The following FBXL2 variants were observed in gnomAD, a reference collection of about 807,000 sequenced individuals.
The protein encoded by FBXL2 is F-box and leucine rich repeat protein 2.
Under a neutral mutation model 69.2 loss-of-function variants are expected in FBXL2, and 38 were observed. That is an observed-to-expected ratio of 0.55 (90% confidence interval 0.42 to 0.72). FBXL2 has a LOEUF of 0.72. Among genes scored for constraint, FBXL2 ranks in the 30% least tolerant of loss-of-function variants. The probability of loss-of-function intolerance (pLI) is 0.00; values close to 1 mark genes in which losing one functional copy is unlikely to be tolerated. For missense variants in FBXL2, 354 were observed against 520.3 expected, an observed-to-expected ratio of 0.68 and a Z score of 3.11; for synonymous variants, 192 against 201.3, an observed-to-expected ratio of 0.95 and a Z score of 0.39.
chr3:33,377,272 G>C lies in FBXL2; in HGVS notation c.789-1G>C, dbSNP rs774921014. 1.2e-6 allele frequency: 2 copies of C among 1,614,098 alleles called. No individual in the cohort carries two copies. The highest frequency in any genetic ancestry group is 4.5e-5 in the East Asian group (2 of 44,876). ...CTCCCCTGTACCCACTTTCTCCTCAGAATTTTGGAGGCTGCCCGATGCTCC... is the reference window on the plus strand; with the variant it reads ...CTCCCCTGTACCCACTTTCTCCTCACAATTTTGGAGGCTGCCCGATGCTCC... On this transcript the variant is annotated splice_acceptor_variant, in intron 10 of 14. Coordinates refer to ENST00000484457, the MANE Select transcript of FBXL2 (RefSeq NM_012157.5). LOFTEE classifies it high-confidence loss of function.
intron 11 of FBXL2, 25 bp from the exon 12 acceptor site, chr3:33,378,078 G>T: frequency 6.2e-7 from 1 of 1,613,352 alleles, no homozygotes; most frequent in Non-Finnish European, 8.5e-7. Context: ...CTCACATGTG[G>T]GGTGTGTCTT....
chr3:33,361,066 G>A (rs2041590132), intron 4 of FBXL2, among the ~76,000 whole-genome samples: 1 of 149,556 alleles, frequency 6.7e-6, no homozygotes, highest in Admixed American at 6.7e-5. Flanking sequence ...CATGTAGCTG[G>A]GACTACAGGC....
At chr3:33,318,679 A>C (rs1397589002) in intron 2 of FBXL2, among the ~76,000 whole-genome samples, 1 of 152,150 alleles carries the variant, frequency 6.6e-6, no homozygotes, top group Non-Finnish European at 1.5e-5. Context: ...TTTCTAAATT[A>C]GTGTAGTTAG....
chr3:33,388,520 C>T (rs1311212270), downstream of FBXL2: 2 of 152,568 alleles, frequency 1.3e-5, no homozygotes, highest in African/African-American at 4.8e-5. Context: ...TACCCCGCTT[C>T]TAAAACCTGA....
At chr3:33,378,938 T>C (rs1367221365) in intron 13 of FBXL2, 197 bp downstream of exon 13, 11 of 1,045,780 alleles carry the variant, frequency 1.1e-5, no homozygotes, top group Admixed American at 2.9e-5. Flanking sequence ...AATTTTAAGA[T>C]TCCCAAAAGA....
chr3:33,342,711 CTTTTTTTTTTTTTTTTTTTTTTT>C, intron 2 of FBXL2, among the ~76,000 whole-genome samples: 1 of 37,914 alleles, frequency 2.6e-5, no homozygotes, highest in Admixed American at 4.7e-4. Flanking sequence ...AATATAACTT[CTTTTTTTTTTTTTTTTTTTTTTT>C]TTTTTTTTTG....
intron 2 of FBXL2, among the ~76,000 whole-genome samples, chr3:33,324,690 G>C (rs566579759): frequency 6.6e-6 from 1 of 152,158 alleles, no homozygotes; most frequent in African/African-American, 2.4e-5. Context: ...GTACCATGCT[G>C]TTTTGGTTAC....
At position 33,383,947 on chromosome 3, in the gene FBXL2, A is replaced by G. The variant is rs758891481; in HGVS notation, c.952-42A>G. ...TTTTTTTTAGGACTTGAGCCTTGGA[A>G]TAAGGGTCCTGCAAACATTTACTCA... On this transcript the variant is annotated intron_variant, in intron 13 of 14. Transcript: ENST00000484457. The G allele has an allele frequency of 1.9e-6, 3 of 1,592,458 alleles. No individual in the cohort carries two copies. The South Asian group carries it at 3.3e-5, about 18-fold the overall frequency.
chr3:33,277,461 T>A lies in FBXL2; in HGVS notation c.-52T>A. The A allele has an allele frequency of 7.9e-7, 1 of 1,265,888 alleles. No homozygotes were observed. The highest frequency in any genetic ancestry group is 1.0e-6 in the Non-Finnish European group (1 of 999,210). 78.4% of individuals were successfully genotyped at this position (1,265,888 alleles called of 1,614,324 possible). A position where few individuals can be genotyped will look rare whatever the true frequency, so the allele number is the denominator to read the frequency against. The stretch of plus-strand genomic sequence containing the variant: ...GCTGGCGTCACCAGGACAACGGGCG[T>A]CGCCGGCGCCGTGTGACTTCGGGCT... On this transcript the variant is annotated 5_prime_UTR_variant, in exon 1 of 15. Coordinates refer to ENST00000484457, the MANE Select transcript of FBXL2 (RefSeq NM_012157.5).
chr3:33,413,596 A>G, the FBXL2 span, among the ~76,000 whole-genome samples: 7 of 151,768 alleles, frequency 4.6e-5, no homozygotes, highest in African/African-American at 1.7e-4. Flanking sequence ...GAACTGGCAT[A>G]AAACAAAAAT....
intron 2 of FBXL2, among the ~76,000 whole-genome samples, chr3:33,305,233 T>C (rs531799312): frequency 6.8e-4 from 104 of 152,108 alleles, no homozygotes; most frequent in Non-Finnish European, 1.1e-3. Flanking sequence ...TATTTTCTTC[T>C]GAAAGCTTAA....
intron 2 of FBXL2, among the ~76,000 whole-genome samples, chr3:33,329,245 A>G (rs927803048): frequency 1.3e-5 from 2 of 152,184 alleles, no homozygotes; most frequent in Non-Finnish European, 2.9e-5. Context: ...AAGTGCTTTT[A>G]TCAAAAAGAT....
chr3:33,370,003 G>A (rs1283141467), intron 5 of FBXL2, among the ~76,000 whole-genome samples: 1 of 152,020 alleles, frequency 6.6e-6, no homozygotes, highest in Non-Finnish European at 1.5e-5. Context: ...ATTTTTATCT[G>A]GTATCATTTT....
At chr3:33,326,254 A>G (rs969433750) in intron 2 of FBXL2, among the ~76,000 whole-genome samples, 5 of 152,132 alleles carry the variant, frequency 3.3e-5, no homozygotes, top group Non-Finnish European at 7.4e-5. Flanking sequence ...TAATCCCAGC[A>G]CTTTGGGAGG....
At position 33,304,313 on chromosome 3, in the gene FBXL2, T is replaced by C. The variant is rs2036534015; in HGVS notation, c.65+6588T>C. Among the ~76,000 whole-genome samples the C allele has an allele frequency of 1.3e-5, 2 of 152,130 alleles. 1 individual carries two copies. Among genetic ancestry groups the C allele is most frequent in the South Asian group, 4.1e-4 (2 of 4,834 alleles). On this transcript the variant is annotated intron_variant, in intron 2 of 14. Coordinates refer to ENST00000484457, the MANE Select transcript of FBXL2 (RefSeq NM_012157.5). ...GTAATATTATCAACAACTTTGTATT[T>C]ATGATTTCTTGCTTCTTAAAACTTT...
chr3:33,399,669 C>T (rs2044146969), intron 12 of FBXL2, among the ~76,000 whole-genome samples: 1 of 152,140 alleles, frequency 6.6e-6, no homozygotes, highest in Non-Finnish European at 1.5e-5. Flanking sequence ...GTGGGTGTGA[C>T]TCCGAAGGGG....
chr3:33,285,079 C>T (rs1304882277), intron 1 of FBXL2, among the ~76,000 whole-genome samples: 1 of 152,148 alleles, frequency 6.6e-6, no homozygotes, highest in Non-Finnish European at 1.5e-5. Context: ...TTGATTGTGT[C>T]ATTATGATGT....
intron 2 of FBXL2, among the ~76,000 whole-genome samples, chr3:33,331,355 C>G (rs527946213): frequency 1.8e-4 from 27 of 152,144 alleles, no homozygotes; most frequent in Admixed American, 3.3e-4. Flanking sequence ...AAAGCAGATA[C>G]CAGGCTGTCT....
chr3:33,286,815 G>A (rs543362460), intron 1 of FBXL2, among the ~76,000 whole-genome samples: 16 of 152,350 alleles, frequency 1.1e-4, no homozygotes, highest in East Asian at 7.7e-4. Flanking sequence ...GTGAGGCTCC[G>A]TGGGTGTGGG....
Sources: gnomAD v4.1 joint callset for allele counts (sites outside exome capture counted in the v4.1 genomes callset) on GRCh38, gnomAD v4.1.1 for gene constraint, MANE v1.5 for transcripts, NCBI Gene and HGNC (gene_info 2026-07-23, HGNC 2026-07-21) for gene names.